Variants in CAST observed in about 807,000 individuals in gnomAD.
The protein encoded by CAST is MIR583 host.
CAST carries 76 observed loss-of-function variants against 119.6 expected under a neutral mutation model. The observed-to-expected ratio is 0.64, with a 90% CI of 0.53 to 0.77. The LOEUF (loss-of-function observed/expected upper bound fraction) is 0.77. Among genes scored for constraint, CAST ranks in the 30% least tolerant of loss-of-function variants. The pLI is 0.00. For synonymous variants in CAST, 319 were observed against 331.6 expected (o/e 0.96, Z 0.41); for missense variants, 953 against 946.5 (o/e 1.01, Z -0.09).
the CAST span, among the ~76,000 whole-genome samples, chr5:96,456,531 T>C: frequency 1.3e-5 from 2 of 152,214 alleles, no homozygotes; most frequent in African/African-American, 4.8e-5. Context: ...TCAAGACTAT[T>C]ATTCTGAATT....
chr5:96,423,330 C>T, the CAST span: 6 of 1,611,000 alleles, frequency 3.7e-6, no homozygotes, highest in South Asian at 1.1e-5. Context: ...GCATAAATGT[C>T]CGTGTGATTC....
chr5:96,432,651 C>T, the CAST span, among the ~76,000 whole-genome samples: 1 of 152,214 alleles, frequency 6.6e-6, no homozygotes, highest in Non-Finnish European at 1.5e-5. Context: ...GCAGCGGCTT[C>T]CTTCTGCTTG....
chr5:96,680,892 C>T (rs1220079584), intron 2 of CAST, among the ~76,000 whole-genome samples: 1 of 152,194 alleles, frequency 6.6e-6, no homozygotes, highest in African/African-American at 2.4e-5. Flanking sequence ...TGTGGGGAGT[C>T]GATTGTGGCT....
the CAST span, among the ~76,000 whole-genome samples, chr5:96,056,687 G>C: frequency 1.3e-5 from 2 of 152,078 alleles, no homozygotes; most frequent in Admixed American, 1.3e-4. Flanking sequence ...GCTGAGATGG[G>C]GAAAGTTTTA....
chr5:96,469,879 A>ATT, the CAST span, among the ~76,000 whole-genome samples: 29 of 107,368 alleles, frequency 2.7e-4, no homozygotes, highest in Non-Finnish European at 4.9e-4. Flanking sequence ...ATATATATAT[A>ATT]ATATATATAT....
chr5:96,187,451 G>A, the CAST span, among the ~76,000 whole-genome samples: 1 of 152,054 alleles, frequency 6.6e-6, no homozygotes, highest in East Asian at 1.9e-4. Flanking sequence ...GTTAACTTGA[G>A]ATCTTTCTAG....
At chr5:96,392,977 C>T in the CAST span, 1 of 1,613,340 alleles carries the variant, frequency 6.2e-7, no homozygotes, top group African/African-American at 1.3e-5. Context: ...ATGAATATTT[C>T]CAACTTGGGA....
chr5:96,033,301 T>TA, the CAST span, among the ~76,000 whole-genome samples: 56 of 151,150 alleles, frequency 3.7e-4, no homozygotes, highest in East Asian at 5.3e-3. Flanking sequence ...TTCACAGAAA[T>TA]AAAAAAAAAT....
intron 1 of CAST, among the ~76,000 whole-genome samples, chr5:96,666,695 G>T (rs1749380988): frequency 6.6e-6 from 1 of 152,226 alleles, no homozygotes; most frequent in Non-Finnish European, 1.5e-5. Context: ...GCGCCCCATT[G>T]TGTATAAGCC....
the CAST span, among the ~76,000 whole-genome samples, chr5:95,985,848 C>G: frequency 6.6e-6 from 1 of 152,184 alleles, no homozygotes; most frequent in East Asian, 1.9e-4. Context: ...TTAAAAGAAA[C>G]TGTGGCTTGA....
intron 1 of CAST, among the ~76,000 whole-genome samples, chr5:96,674,029 A>C (rs1266125031): frequency 6.6e-6 from 1 of 152,250 alleles, no homozygotes; most frequent in Admixed American, 6.5e-5. Flanking sequence ...AACACTATCG[A>C]GAAAGGATTT....
the CAST span, among the ~76,000 whole-genome samples, chr5:96,369,783 T>C: frequency 3.3e-5 from 5 of 152,136 alleles, no homozygotes; most frequent in African/African-American, 7.2e-5. Flanking sequence ...TGTCTCTTTA[T>C]TCCGTTTTAT....
At chr5:96,215,888 A>G in the CAST span, among the ~76,000 whole-genome samples, 1 of 152,182 alleles carries the variant, frequency 6.6e-6, no homozygotes, top group African/African-American at 2.4e-5. Context: ...GCTCACTGCA[A>G]CCTCTGCCTC....
At chr5:96,298,554 A>G in the CAST span, among the ~76,000 whole-genome samples, 1 of 152,210 alleles carries the variant, frequency 6.6e-6, no homozygotes, top group African/African-American at 2.4e-5. Flanking sequence ...TGCTTGGGAC[A>G]GGGCCTGGCA....
the CAST span, among the ~76,000 whole-genome samples, chr5:96,305,506 G>A: frequency 6.6e-6 from 1 of 152,200 alleles, no homozygotes; most frequent in Non-Finnish European, 1.5e-5. Context: ...TAGGAGTGGT[G>A]AGAGAGGGCA....
the CAST span, among the ~76,000 whole-genome samples, chr5:96,213,014 G>A: frequency 6.6e-6 from 1 of 152,156 alleles, no homozygotes; most frequent in Non-Finnish European, 1.5e-5. Flanking sequence ...AGCTACTCCA[G>A]CGGCTGAGGC....
chr5:96,478,741 T>C, the CAST span, among the ~76,000 whole-genome samples: 4 of 152,232 alleles, frequency 2.6e-5, no homozygotes, highest in Non-Finnish European at 4.4e-5. Context: ...ATTTACCACA[T>C]GCCCTGAGCA....
intron 3 of CAST, among the ~76,000 whole-genome samples, chr5:96,697,567 CAGGGAGTT>C (rs1230242797): frequency 6.6e-6 from 1 of 152,198 alleles, no homozygotes; most frequent in Non-Finnish European, 1.5e-5. Flanking sequence ...ATCGTAAATA[CAGGGAGTT>C]AATTAACATT....
At chr5:96,086,484 T>C in the CAST span, among the ~76,000 whole-genome samples, 1 of 152,210 alleles carries the variant, frequency 6.6e-6, no homozygotes. Context: ...CCAGGGTGCA[T>C]TGCATGTATC....
Sources: gnomAD v4.1 joint callset for allele counts (sites outside exome capture counted in the v4.1 genomes callset) on GRCh38, gnomAD v4.1.1 for gene constraint, MANE v1.5 for transcripts, NCBI Gene and HGNC (gene_info 2026-07-23, HGNC 2026-07-21) for gene names.